THSD7A: variants seen among roughly 807,000 people sequenced by gnomAD.
THSD7A encodes thrombospondin type 1 domain containing 7A, also known as thrombospondin type-1 domain-containing protein 7A.
A neutral mutation model predicts 231.3 loss-of-function variants in THSD7A; 96 were observed. The ratio of observed to expected loss-of-function variants is 0.41; its 90% CI spans 0.35 to 0.49. The LOEUF (loss-of-function observed/expected upper bound fraction) is 0.49. THSD7A is among the 20% of genes least tolerant of loss of function. The pLI is 0.05. For missense variants in THSD7A, 2,290 were observed against 2,070.2 expected (o/e 1.11, Z -2.06); for synonymous variants, 940 against 743.3 (o/e 1.26, Z -4.30).
intron 1 of THSD7A, among the ~76,000 whole-genome samples, chr7:11,662,415 T>C (rs568492909): frequency 2.6e-5 from 4 of 151,334 alleles, no homozygotes; most frequent in African/African-American, 9.7e-5. Context: ...TATTTTAAAA[T>C]GGACAGATTT....
intron 1 of THSD7A, among the ~76,000 whole-genome samples, chr7:11,690,939 G>C (rs1269153021): frequency 6.6e-6 from 1 of 151,522 alleles, no homozygotes; most frequent in Non-Finnish European, 1.5e-5. Flanking sequence ...AAAATGTTGA[G>C]GTGGTATAGT....
At chr7:11,532,889 T>A (rs1254472130) in intron 6 of THSD7A, among the ~76,000 whole-genome samples, 2 of 152,056 alleles carry the variant, frequency 1.3e-5, no homozygotes, top group African/African-American at 4.8e-5. Flanking sequence ...TGGGAAAAAG[T>A]AAGAAGTGAC....
rs189575247 is a variant in THSD7A, at chr7:11,385,334, G to A, written c.4412-2718C>T. On this transcript the variant is annotated intron_variant, in intron 23 of 27. Transcript: ENST00000423059. ...TCCTTCACTAGGTTGAAAATAAGTG[G>A]CAACAGTGGTATCCTTGTTCTGTTA... The A allele has an allele frequency of 2.6e-5, 4 of 152,106 alleles. No homozygotes were observed. The East Asian group carries it at 7.7e-4, about 29-fold the overall frequency. 9.4% of individuals were successfully genotyped at this position (152,106 alleles called of 1,614,324 possible).
In THSD7A at chr7:11,547,259, C is replaced by A. The variant is rs112316494; in HGVS notation, c.1454-4142G>T. 5.9e-5 allele frequency among the ~76,000 whole-genome samples: 9 copies of A among 152,272 alleles called. 1 individual carries two copies. Among genetic ancestry groups the A allele is most frequent in the African/African-American group, 2.2e-4 (9 of 41,570 alleles). On this transcript the variant is annotated intron_variant, in intron 4 of 27. Transcript: ENST00000423059. ...CAACTACAAAAACAAATCTAGACAACAACTAGCCAATATAATGACAGAATA... is the reference window on the plus strand; with the variant it reads ...CAACTACAAAAACAAATCTAGACAAAAACTAGCCAATATAATGACAGAATA...
intron 1 of THSD7A, among the ~76,000 whole-genome samples, chr7:11,641,013 G>A (rs1782058341): frequency 6.6e-6 from 1 of 151,992 alleles, no homozygotes; most frequent in Admixed American, 6.5e-5. Flanking sequence ...TACAGAGGGT[G>A]GTTAGTCAGT....
At chr7:11,671,139 A>T (rs549775714) in intron 1 of THSD7A, among the ~76,000 whole-genome samples, 1 of 152,320 alleles carries the variant, frequency 6.6e-6, no homozygotes, top group African/African-American at 2.4e-5. Flanking sequence ...TTCAAGGGTA[A>T]ACAGTGGAAA....
rs569246628 is a variant in THSD7A, at chr7:11,451,974, G to C, written c.2606-4550C>G. ...GAAATAAATTGCCTGATCCAAAATG[G>C]GCACATAGAAGTTCATTACAGGAAA... On this transcript the variant is annotated intron_variant, in intron 11 of 27. Transcript: ENST00000423059. Among the ~76,000 whole-genome samples the C allele has an allele frequency of 3.9e-5, 6 of 152,030 alleles. No individual in the cohort carries two copies. The East Asian group carries it at 1.2e-3, about 30-fold the overall frequency.
intron 2 of THSD7A, among the ~76,000 whole-genome samples, chr7:11,603,041 C>T (rs1194264890): frequency 6.7e-6 from 1 of 150,350 alleles, no homozygotes; most frequent in African/African-American, 2.4e-5. Flanking sequence ...TCTAATTAAA[C>T]TAAAGAGCTT....
rs1242127249 is a variant in THSD7A at position 11,636,385 on chromosome 7, T to A, written c.767A>T (p.His256Leu). Residue 256 changes from histidine (H) to leucine (L), a missense_variant, in exon 2 of 28, where the codon CAT becomes CTT. Transcript: ENST00000423059. The surrounding 1 kb of genome is among the most constrained non-coding windows in gnomAD (Gnocchi z 10.0). ...TGAGCAGGTGCTCCAGGGCCCCACA[T>A]GCAGGCTGTACCTGAGCTCCTCGGC... is the stretch of plus-strand genomic sequence containing the variant. Reference protein sequence around the residue: ...CEAEELRYSLHVGPWSTCSMP... With the variant: ...CEAEELRYSLLVGPWSTCSMP... 5 of 1,613,692 alleles carry A rather than the reference T, an allele frequency of 3.1e-6. No individual in the cohort carries two copies.
chr7:11,754,807 T>C (rs1359883394), intron 1 of THSD7A, among the ~76,000 whole-genome samples: 1 of 152,084 alleles, frequency 6.6e-6, no homozygotes, highest in Non-Finnish European at 1.5e-5. Context: ...ATATAGTTTA[T>C]GTTGAGTAAA....
At chr7:11,566,133 A>C (rs891372825) in intron 4 of THSD7A, among the ~76,000 whole-genome samples, 1 of 151,882 alleles carries the variant, frequency 6.6e-6, no homozygotes, top group African/African-American at 2.4e-5. Context: ...AATGTTGCTG[A>C]GTGTCAACAT....
chr7:11,777,914 C>T (rs943507931), intron 1 of THSD7A, among the ~76,000 whole-genome samples: 1 of 151,316 alleles, frequency 6.6e-6, no homozygotes, highest in Non-Finnish European at 1.5e-5. Context: ...CTTTGGGAGG[C>T]CGAGGCGGGC....
intron 1 of THSD7A, among the ~76,000 whole-genome samples, chr7:11,811,602 G>A (rs1044009170): frequency 2.0e-5 from 3 of 152,096 alleles, no homozygotes; most frequent in Non-Finnish European, 4.4e-5. Flanking sequence ...TAAAGTACAC[G>A]AGACAGAATG....
Position 11,596,755 on chromosome 7 carries a change from C to T in THSD7A, c.1023-3253G>A, listed in dbSNP as rs917262799. Among the ~76,000 whole-genome samples the T allele has an allele frequency of 2.2e-4, 33 of 152,290 alleles. 1 individual carries two copies. The highest frequency in any genetic ancestry group is 6.8e-3 in the Middle Eastern group (2 of 294). ...ATCTTGGAGAATGACAGTGGATTAT[C>T]GTCAGATTAATCAAGTGGCAACTCC... On this transcript the variant is annotated intron_variant, in intron 2 of 27. Coordinates refer to ENST00000423059, the MANE Select transcript of THSD7A (RefSeq NM_015204.3).
intron 6 of THSD7A, among the ~76,000 whole-genome samples, chr7:11,536,340 T>G (rs373281496): frequency 1.3e-4 from 20 of 152,278 alleles, no homozygotes; most frequent in African/African-American, 4.8e-4. Flanking sequence ...GCTGGCCAGT[T>G]TGGATCCCAT....
At position 11,455,572 on chromosome 7, in the gene THSD7A, C is replaced by T. The variant is rs535087306; in HGVS notation, c.2605+5090G>A. Among the ~76,000 whole-genome samples, 199 of 152,058 alleles carry T rather than the reference C, an allele frequency of 1.3e-3. 1 individual carries two copies. Among genetic ancestry groups the T allele is most frequent in the Middle Eastern group, 0.01 (3 of 294 alleles). ...GTCATAAATAAAAAATTCCTATGTG[C>T]TTTTCAAACTTTCAGGAATATATAA... is the stretch of plus-strand genomic sequence containing the variant. On this transcript the variant is annotated intron_variant, in intron 11 of 27. Transcript: ENST00000423059.
At chr7:11,450,266 C>A (rs769838945) in intron 11 of THSD7A, among the ~76,000 whole-genome samples, 1 of 151,988 alleles carries the variant, frequency 6.6e-6, no homozygotes. Context: ...AAACTGGAAT[C>A]CCTTTTCCCC....
chr7:11,830,518 G>C (rs1396028639), intron 1 of THSD7A, among the ~76,000 whole-genome samples: 7 of 152,184 alleles, frequency 4.6e-5, no homozygotes, highest in Non-Finnish European at 1.0e-4. Flanking sequence ...TTACTCAACT[G>C]ATCTTCAAAC....
At chr7:11,728,784 T>C (rs2355071) in intron 1 of THSD7A, among the ~76,000 whole-genome samples, 151,775 of 151,854 alleles carry the variant, frequency 1, 75,849 homozygotes, top group Non-Finnish European at 1. Context: ...ATTAGTAACA[T>C]GTAATGTGTT....
Sources: gnomAD v4.1 joint callset for allele counts (sites outside exome capture counted in the v4.1 genomes callset) on GRCh38, gnomAD v4.1.1 for gene constraint, Gnocchi (gnomAD v3.1) non-coding constraint, MANE v1.5 for transcripts, NCBI Gene and HGNC (gene_info 2026-07-23, HGNC 2026-07-21) for gene names.